GMDS: variants seen among roughly 807,000 people sequenced by gnomAD.
The protein encoded by GMDS is GDP-mannose 4,6-dehydratase.
GMDS carries 20 observed loss-of-function variants against 49.9 expected under a neutral mutation model. That is an observed-to-expected ratio of 0.40 (90% CI 0.28 to 0.58). The LOEUF is 0.58. Ranked by LOEUF, GMDS falls within the 20% of genes least tolerant of loss-of-function variation. GMDS has a pLI of 0.42. For synonymous variants in GMDS, 177 were observed against 178.6 expected (o/e 0.99, Z 0.07); for missense variants, 362 against 481.4 (o/e 0.75, Z 2.32).
intron 7 of GMDS, among the ~76,000 whole-genome samples, chr6:1,749,588 C>CA (rs3039696): frequency 1.1e-4 from 17 of 148,052 alleles, no homozygotes; most frequent in Admixed American, 8.0e-4. Flanking sequence ...GACTTTATCT[C>CA]AAAAAAAAAA....
intron 7 of GMDS, among the ~76,000 whole-genome samples, chr6:1,895,698 G>A (rs906171713): frequency 6.6e-6 from 1 of 152,122 alleles, no homozygotes; most frequent in African/African-American, 2.4e-5. Flanking sequence ...GTAACAAAAT[G>A]AACATGCACG....
intron 1 of GMDS, among the ~76,000 whole-genome samples, chr6:2,240,194 A>G (rs1305420504): frequency 3.3e-5 from 5 of 152,192 alleles, no homozygotes; most frequent in Non-Finnish European, 1.5e-5. Context: ...TTGATTCCAA[A>G]TATTACAGAA....
At chr6:2,004,642 T>C (rs9503069) in intron 4 of GMDS, among the ~76,000 whole-genome samples, 66,872 of 151,888 alleles carry the variant, frequency 0.44, 14,901 homozygotes, top group African/African-American at 0.49. Context: ...CCTTCTGAAC[T>C]ATCACTGAAC....
At chr6:1,818,723 TATATATAC>T (rs1370391965) in intron 7 of GMDS, among the ~76,000 whole-genome samples, 1 of 151,800 alleles carries the variant, frequency 6.6e-6, no homozygotes, top group Non-Finnish European at 1.5e-5. Context: ...CACATGCATA[TATATATAC>T]ATATATACAT....
chr6:2,001,212 T>C (rs533815711), intron 4 of GMDS, among the ~76,000 whole-genome samples: 1 of 152,228 alleles, frequency 6.6e-6, no homozygotes, highest in Non-Finnish European at 1.5e-5. Flanking sequence ...TATTTCATTA[T>C]GGTTTTGATT....
intron 9 of GMDS, among the ~76,000 whole-genome samples, chr6:1,652,233 G>A (rs2113215735): frequency 6.8e-6 from 1 of 145,994 alleles, no homozygotes; most frequent in Non-Finnish European, 1.5e-5. Flanking sequence ...TTAGCCTGCT[G>A]TGGTGGCAGG....
At chr6:2,107,140 T>C (rs1272868513) in intron 4 of GMDS, among the ~76,000 whole-genome samples, 2 of 152,240 alleles carry the variant, frequency 1.3e-5, no homozygotes, top group Non-Finnish European at 2.9e-5. Flanking sequence ...TAATTAATTA[T>C]GAGCAAAATT....
In GMDS at chr6:1,640,599, T is replaced by C. The variant is rs979830834; in HGVS notation, c.988-16059A>G. Reference sequence around the variant, plus strand: ...GTGCCCGTTTTGGAGAGAATACATTTCTTATAAACAGCAGGGCAGGCTGTC... The same window carrying C: ...GTGCCCGTTTTGGAGAGAATACATTCCTTATAAACAGCAGGGCAGGCTGTC... On this transcript the variant is annotated intron_variant, in intron 9 of 10. Coordinates refer to ENST00000380815, the MANE Select transcript of GMDS (RefSeq NM_001500.4). The surrounding 1 kb of genome is among the most constrained non-coding windows in gnomAD (Gnocchi z 4.0). Among the ~76,000 whole-genome samples the C allele has an allele frequency of 2.0e-5, 3 of 152,122 alleles. No individual in the cohort carries two copies. Among genetic ancestry groups the C allele is most frequent in the Admixed American group, 6.5e-5 (1 of 15,276 alleles).
intron 9 of GMDS, 137 bp downstream of exon 9, chr6:1,726,278 AT>A: frequency 1.5e-6 from 1 of 652,016 alleles, no homozygotes; most frequent in Non-Finnish European, 2.8e-6. Flanking sequence ...CTGTGTTCTG[AT>A]TTTGGAAATG....
chr6:1,880,446 G>A (rs1390565728), intron 7 of GMDS, among the ~76,000 whole-genome samples: 1 of 152,064 alleles, frequency 6.6e-6, no homozygotes, highest in Non-Finnish European at 1.5e-5. Flanking sequence ...GACACAGCAA[G>A]ATTTTGTCTC....
At chr6:1,814,318 T>C (rs1028314231) in intron 7 of GMDS, among the ~76,000 whole-genome samples, 2 of 152,190 alleles carry the variant, frequency 1.3e-5, no homozygotes, top group African/African-American at 4.8e-5. Flanking sequence ...TAGAACAGCT[T>C]TTTGTTTTCT....
intron 7 of GMDS, among the ~76,000 whole-genome samples, chr6:1,894,673 G>A (rs918096559): frequency 5.9e-5 from 9 of 152,102 alleles, no homozygotes; most frequent in Non-Finnish European, 1.0e-4. Context: ...TGTAAATCAA[G>A]TACCACAGGA....
At chr6:1,918,097 C>T (rs1761495251) in intron 7 of GMDS, among the ~76,000 whole-genome samples, 1 of 152,156 alleles carries the variant, frequency 6.6e-6, no homozygotes, top group Non-Finnish European at 1.5e-5. Context: ...TGACCTGCTT[C>T]TAATTTGCAT....
chr6:1,852,620 C>A (rs780541652), intron 7 of GMDS, among the ~76,000 whole-genome samples: 5 of 150,862 alleles, frequency 3.3e-5, no homozygotes, highest in Non-Finnish European at 5.9e-5. Context: ...TTCTTAGTGT[C>A]TTTTTTTTTC....
chr6:2,130,100 A>G (rs1218550524), intron 1 of GMDS, among the ~76,000 whole-genome samples: 2 of 152,254 alleles, frequency 1.3e-5, no homozygotes, highest in Non-Finnish European at 2.9e-5. Context: ...TACCGGGGAA[A>G]TATCTAAAAT....
chr6:2,231,848 C>A (rs1442675917), intron 1 of GMDS, among the ~76,000 whole-genome samples: 1 of 152,110 alleles, frequency 6.6e-6, no homozygotes, highest in Non-Finnish European at 1.5e-5. Context: ...AAGACATGAT[C>A]CCTATCCCCA....
At position 2,117,494 on chromosome 6, in the gene GMDS, C is replaced by T; in HGVS notation, c.210G>A (p.Lys70=). The T allele has an allele frequency of 1.2e-6, 2 of 1,603,532 alleles. No individual in the cohort carries two copies. The highest frequency in any genetic ancestry group is 1.7e-6 in the Non-Finnish European group (2 of 1,170,422). ...TTCCTTCAATGTGAGCCTGGGGATTCTTATACAGATGCTCAATTCGACCCG... is the reference window on the plus strand; with the variant it reads ...TTCCTTCAATGTGAGCCTGGGGATTTTTATACAGATGCTCAATTCGACCCG... ...FNTGRIEHLY[K]NPQAHIEGNM... is the part of the protein sequence containing the mutation. Residue 70 remains lysine, a synonymous_variant, in exon 3 of 11, where the codon AAG becomes AAA. Coordinates refer to ENST00000380815, the MANE Select transcript of GMDS (RefSeq NM_001500.4).
At chr6:1,665,435 T>C (rs150134466) in intron 9 of GMDS, among the ~76,000 whole-genome samples, 99 of 152,304 alleles carry the variant, frequency 6.5e-4, no homozygotes, top group Middle Eastern at 3.4e-3. Context: ...AGGGAGGTAA[T>C]GGGCCAGCCT....
intron 4 of GMDS, among the ~76,000 whole-genome samples, chr6:1,981,827 A>G (rs891651331): frequency 1.1e-4 from 16 of 152,198 alleles, no homozygotes; most frequent in African/African-American, 3.6e-4. Flanking sequence ...TATCCACTAC[A>G]ATCAAGTTGG....
Sources: gnomAD v4.1 joint callset for allele counts (sites outside exome capture counted in the v4.1 genomes callset) on GRCh38, gnomAD v4.1.1 for gene constraint, Gnocchi (gnomAD v3.1) non-coding constraint, MANE v1.5 for transcripts, NCBI Gene and HGNC (gene_info 2026-07-23, HGNC 2026-07-21) for gene names.